Variants in MICU1 observed in about 807,000 individuals in gnomAD.
MICU1 encodes the protein mitochondrial calcium uptake 1, also known as calcium uptake protein 1, mitochondrial.
In MICU1, 45 loss-of-function variants were observed where a neutral mutation model predicts 56.8. That is an observed-to-expected ratio of 0.79 (90% confidence interval 0.62 to 1.02). MICU1 has a LOEUF of 1.02. MICU1 is among the 50% of genes least tolerant of loss of function. The probability of loss-of-function intolerance (pLI) is 0.00; values close to 1 mark genes in which losing one functional copy is unlikely to be tolerated. For missense variants in MICU1, 504 were observed against 587.1 expected (o/e 0.86, Z 1.46); for synonymous variants, 186 against 195.1 (o/e 0.95, Z 0.39).
intron 1 of MICU1, among the ~76,000 whole-genome samples, chr10:72,594,156 G>C (rs775495025): frequency 1.3e-5 from 2 of 152,216 alleles, no homozygotes; most frequent in Admixed American, 6.5e-5. Context: ...AGTACTAGCA[G>C]AAGGGCAAAC....
At chr10:72,414,963 C>T (rs946577444) in intron 9 of MICU1, among the ~76,000 whole-genome samples, 1 of 152,092 alleles carries the variant, frequency 6.6e-6, no homozygotes, top group Middle Eastern at 3.4e-3. Context: ...CCTTATATCC[C>T]ATGCCTCTCA....
Position 72,551,163 on chromosome 10 carries a change from C to G in MICU1, c.493+16G>C, listed in dbSNP as rs762291333. On this transcript the variant is annotated intron_variant, in intron 4 of 11. Transcript: ENST00000361114. ...AAATAAATATCACAGTCTTATATTT[C>G]ACTTTAGCAACTTACGTTCTGGTTG... is the stretch of plus-strand genomic sequence containing the variant. 6.3e-7 allele frequency: 1 copy of G among 1,587,500 alleles called. No homozygotes were observed. Among genetic ancestry groups the G allele is most frequent in the African/African-American group, 1.4e-5 (1 of 73,560 alleles).
chr10:72,402,434 A>G (rs1471094423), intron 10 of MICU1, among the ~76,000 whole-genome samples: 1 of 152,226 alleles, frequency 6.6e-6, no homozygotes, highest in Non-Finnish European at 1.5e-5. Flanking sequence ...AGCAAATTAG[A>G]AACTATCTCT....
chr10:72,601,032 G>A (rs1841518779), intron 1 of MICU1, among the ~76,000 whole-genome samples: 1 of 152,190 alleles, frequency 6.6e-6, no homozygotes, highest in South Asian at 2.1e-4. Flanking sequence ...TTGTGATCAG[G>A]AAAGGGTACA....
chr10:72,378,122 G>A (rs181763700), intron 10 of MICU1, among the ~76,000 whole-genome samples: 6 of 152,212 alleles, frequency 3.9e-5, no homozygotes, highest in Non-Finnish European at 7.4e-5. Flanking sequence ...GCGTGGTGGT[G>A]CGCACCTATA....
At chr10:72,535,426 T>G (rs1354888932) in intron 4 of MICU1, among the ~76,000 whole-genome samples, 1 of 152,096 alleles carries the variant, frequency 6.6e-6, no homozygotes, top group African/African-American at 2.4e-5. Context: ...ATAGAAAATA[T>G]AAGATAGAAT....
intron 11 of MICU1, among the ~76,000 whole-genome samples, chr10:72,368,599 C>T (rs1301996060): frequency 6.6e-6 from 1 of 152,134 alleles, no homozygotes; most frequent in Non-Finnish European, 1.5e-5. Flanking sequence ...AGGTCTTGTG[C>T]CAGGTGTTTA....
At chr10:72,527,302 T>C (rs1867991516) in intron 5 of MICU1, among the ~76,000 whole-genome samples, 2 of 152,176 alleles carry the variant, frequency 1.3e-5, no homozygotes, top group Admixed American at 1.3e-4. Flanking sequence ...CAAGAGAATT[T>C]GGAATCCTAG....
At chr10:72,560,917 A>G (rs867946274) in intron 3 of MICU1, among the ~76,000 whole-genome samples, 19 of 152,338 alleles carry the variant, frequency 1.2e-4, no homozygotes, top group Admixed American at 4.6e-4. Context: ...AATGTGGTTT[A>G]TTATTTCTTA....
intron 8 of MICU1, among the ~76,000 whole-genome samples, chr10:72,457,590 A>C (rs1424541281): frequency 6.6e-6 from 1 of 152,188 alleles, no homozygotes; most frequent in Non-Finnish European, 1.5e-5. Flanking sequence ...AGCTGGGGTC[A>C]CAGAATGAGC....
At chr10:72,597,732 GT>G (rs1281752204) in intron 1 of MICU1, among the ~76,000 whole-genome samples, 3 of 151,930 alleles carry the variant, frequency 2.0e-5, no homozygotes, top group African/African-American at 7.3e-5. Flanking sequence ...AACATTTTTT[GT>G]AATTTTTGCA....
intron 8 of MICU1, among the ~76,000 whole-genome samples, chr10:72,446,780 C>T (rs1195046395): frequency 6.6e-6 from 1 of 152,086 alleles, no homozygotes; most frequent in Non-Finnish European, 1.5e-5. Flanking sequence ...TGAAATATGG[C>T]AGTAGGATGC....
intron 1 of MICU1, among the ~76,000 whole-genome samples, chr10:72,596,425 G>A (rs574858549): frequency 2.4e-4 from 37 of 152,032 alleles, no homozygotes; most frequent in African/African-American, 8.9e-4. Context: ...GTGACAGAGA[G>A]ACCCTGTCTC....
At chr10:72,605,428 T>C (rs1052663812) in intron 1 of MICU1, among the ~76,000 whole-genome samples, 1 of 152,256 alleles carries the variant, frequency 6.6e-6, no homozygotes, top group Non-Finnish European at 1.5e-5. Context: ...CCATGAGGGC[T>C]GCTCTGCCTA....
intron 8 of MICU1, among the ~76,000 whole-genome samples, chr10:72,459,769 T>C (rs1454403680): frequency 6.6e-6 from 1 of 152,204 alleles, no homozygotes; most frequent in Admixed American, 6.5e-5. Context: ...ATATATCCAA[T>C]TGCCTGTAGA....
At chr10:72,448,131 G>GTC (rs1865167291) in intron 8 of MICU1, among the ~76,000 whole-genome samples, 1 of 128,734 alleles carries the variant, frequency 7.8e-6, no homozygotes, top group South Asian at 2.5e-4. Context: ...ATGTGTGTGT[G>GTC]TGTGTGTGTG....
intron 10 of MICU1, among the ~76,000 whole-genome samples, chr10:72,389,722 G>A (rs1473642759): frequency 6.6e-6 from 1 of 152,158 alleles, no homozygotes; most frequent in Non-Finnish European, 1.5e-5. Flanking sequence ...GCTTTACAGT[G>A]GAGCTTTATT....
At chr10:72,592,634 G>A (rs113155509) in intron 1 of MICU1, among the ~76,000 whole-genome samples, 3 of 152,276 alleles carry the variant, frequency 2.0e-5, no homozygotes, top group African/African-American at 7.2e-5. Flanking sequence ...CCATGACAAA[G>A]TGGGATTTAT....
chr10:72,577,454 AGCT>A (rs1317370815), intron 1 of MICU1, among the ~76,000 whole-genome samples: 1 of 151,210 alleles, frequency 6.6e-6, no homozygotes, highest in Non-Finnish European at 1.5e-5. Flanking sequence ...GGTTGTGATG[AGCT>A]GAGATTGCAT....
Sources: gnomAD v4.1 joint callset for allele counts (sites outside exome capture counted in the v4.1 genomes callset) on GRCh38, gnomAD v4.1.1 for gene constraint, MANE v1.5 for transcripts, NCBI Gene and HGNC (gene_info 2026-07-23, HGNC 2026-07-21) for gene names.